ENOSF1: variants seen among roughly 807,000 people sequenced by gnomAD.
ENOSF1 encodes the protein mitochondrial enolase superfamily member 1.
In ENOSF1, 73 loss-of-function variants were observed where a neutral mutation model predicts 68.2. The observed-to-expected ratio is 1.07, with a 90% CI of 0.89 to 1.30. The LOEUF (loss-of-function observed/expected upper bound fraction) is 1.30. Among genes scored for constraint, ENOSF1 ranks in the 50% most tolerant of loss-of-function variants. The pLI is 0.00. For synonymous variants in ENOSF1, 223 were observed against 210.4 expected (o/e 1.06, Z -0.52); for missense variants, 589 against 554.5 (o/e 1.06, Z -0.62).
Position 704,299 on chromosome 18 carries a change from T to G in ENOSF1, c.193+2171A>C, listed in dbSNP as rs1195879167. ...TAAAAACTAGCCGGGCGTGGTGGTG[T>G]GTGCCTGTAATCCCAGCTACTCGGG... On this transcript the variant is annotated intron_variant, in intron 2 of 15. Transcript: ENST00000647584. Among the ~76,000 whole-genome samples the G allele has an allele frequency of 2.6e-5, 4 of 151,756 alleles. No homozygotes were observed. In the East Asian group the frequency reaches 7.9e-4, roughly 30 times the overall value.
At chr18:667,038 TGGTGATGGTGATGGAGATGGA>T, downstream of ENOSF1, among the ~76,000 whole-genome samples, 1 of 22,170 alleles carries the variant, frequency 4.5e-5, no homozygotes. Context: ...GTGATGGAGA[TGGTGATGGTGATGGAGATGGA>T]GATGGTGATG....
At chr18:668,850 A>G (rs1257176883), downstream of ENOSF1, among the ~76,000 whole-genome samples, 1 of 152,048 alleles carries the variant, frequency 6.6e-6, no homozygotes, top group African/African-American at 2.4e-5. Flanking sequence ...AGAAGAGGAA[A>G]AAGACTTTGT....
rs147941447 is a variant in ENOSF1 at position 674,176 on chromosome 18, G to C, written c.*129C>G. On this transcript the variant is annotated 3_prime_UTR_variant, in exon 16 of 16. Transcript: ENST00000647584. The stretch of plus-strand genomic sequence containing the variant: ...TAATAATTACTTAGCTGATTCCTGA[G>C]GGTGGTATGACTTCTAGCTGAACTC... 1 of 650,774 alleles carries C rather than the reference G, an allele frequency of 1.5e-6. No individual in the cohort carries two copies. Among genetic ancestry groups the C allele is most frequent in the Non-Finnish European group, 2.7e-6 (1 of 369,174 alleles). The allele number at this position is 650,774 out of a possible 1,614,324, so 40.3% of individuals were successfully genotyped here. A position where few individuals can be genotyped will look rare whatever the true frequency, so the allele number is the denominator to read the frequency against.
rs1449009399 is a variant in ENOSF1, at chr18:670,991, A to T, written c.*3314T>A. ...GCTTTTAAATTTGATATGTGTAAGT[A>T]AGAAATGAACCAGCTTTTACTTTGA... On this transcript the variant is annotated 3_prime_UTR_variant, in exon 16 of 16. Coordinates refer to ENST00000647584, the MANE Select transcript of ENOSF1 (RefSeq NM_017512.7). The T allele has an allele frequency of 3.2e-6, 4 of 1,233,416 alleles. No individual in the cohort carries two copies. Among genetic ancestry groups the T allele is most frequent in the Non-Finnish European group, 4.5e-6 (4 of 898,168 alleles). The allele number at this position is 1,233,416 out of a possible 1,614,324, so 76.4% of individuals were successfully genotyped here.
chr18:689,625 CAG>C (rs750160877), intron 8 of ENOSF1, among the ~76,000 whole-genome samples: 1 of 152,236 alleles, frequency 6.6e-6, no homozygotes, highest in East Asian at 1.9e-4. Flanking sequence ...AAATTTCTCC[CAG>C]AGAGGCTGGA....
chr18:695,325 C>A (rs948157098), intron 3 of ENOSF1, among the ~76,000 whole-genome samples: 32 of 152,256 alleles, frequency 2.1e-4, no homozygotes, highest in African/African-American at 7.7e-4. Context: ...GTGATTATGT[C>A]ATTTTGTTTT....
rs539734786 is a variant in ENOSF1 at position 681,181 on chromosome 18, G to A, written c.876+2065C>T. On this transcript the variant is annotated intron_variant, in intron 11 of 15. Transcript: ENST00000647584. ...CTGGCCACTATGCCGTTCTTTCATC[G>A]GAGAAGCTGCGGTGGCTCACTCTGA... Among the ~76,000 whole-genome samples the A allele has an allele frequency of 7.2e-5, 11 of 152,232 alleles. 1 individual carries two copies. In the South Asian group the frequency reaches 8.3e-4, roughly 11 times the overall value.
Position 671,272 on chromosome 18 carries a change from A to AT in ENOSF1, c.*3032dup, listed in dbSNP as rs945280669. 13 of 809,512 alleles carry AT rather than the reference A, an allele frequency of 1.6e-5. No individual in the cohort carries two copies. The highest frequency in any genetic ancestry group is 1.5e-4 in the East Asian group (6 of 40,970). 50.1% of individuals were successfully genotyped at this position (809,512 alleles called of 1,614,324 possible). A position where few individuals can be genotyped will look rare whatever the true frequency, so the allele number is the denominator to read the frequency against. On this transcript the variant is annotated 3_prime_UTR_variant, in exon 16 of 16. Transcript: ENST00000647584. ...AAAAATGGAAAAGCTACACTAAATT[A>AT]TTTTTTTAAAAAAAGCCTTGCGGTG...
At chr18:693,574 G>A (rs1023020113) in intron 5 of ENOSF1, 1 of 985,376 alleles carries the variant, frequency 1.0e-6, no homozygotes, top group Non-Finnish European at 1.2e-6. Context: ...AGAGAAGTTA[G>A]GATGATCCTC....
chr18:684,766 T>C (rs2612090), intron 10 of ENOSF1, among the ~76,000 whole-genome samples: 98,327 of 151,918 alleles, frequency 0.65, 32,565 homozygotes, highest in African/African-American at 0.8. Flanking sequence ...CTGATCTTAT[T>C]GTGCTTGGAG....
intron 12 of ENOSF1, chr18:678,427 C>T (rs2075734361): frequency 6.0e-6 from 3 of 495,882 alleles, no homozygotes; most frequent in Non-Finnish European, 1.1e-5. Context: ...CTTGCAATAG[C>T]AACTTTAAAT....
chr18:677,870 G>T lies in ENOSF1; in HGVS notation c.921C>A (p.Cys307Ter). The part of the protein sequence containing the change: ...LGIGIATGEQ[C>*]HNRVIFKQLL... ...GTTGCTTAAATATCACTCTATTGTG[G>T]CACTGGAAATAGAATTGAAAATAAC... Residue 307 changes from cysteine (C) to a stop codon, truncating the protein, a stop_gained and splice_region_variant, in exon 13 of 16, where the codon TGC becomes TGA. Coordinates refer to ENST00000647584, the MANE Select transcript of ENOSF1 (RefSeq NM_017512.7). LOFTEE classifies it high-confidence loss of function. 6.2e-7 allele frequency: 1 copy of T among 1,611,864 alleles called. No individual in the cohort carries two copies.
chr18:695,311 A>C (rs531519978), intron 3 of ENOSF1, among the ~76,000 whole-genome samples: 2 of 152,236 alleles, frequency 1.3e-5, no homozygotes, highest in Non-Finnish European at 2.9e-5. Context: ...TCAATACTAC[A>C]TAAGTGATTA....
intron 14 of ENOSF1, among the ~76,000 whole-genome samples, chr18:675,805 C>A (rs2075445704): frequency 7.3e-6 from 1 of 137,670 alleles, no homozygotes; most frequent in Admixed American, 7.2e-5. Context: ...CAGCAGCTGC[C>A]AGGGGCTTGG....
At chr18:704,733 G>A (rs2078753325) in intron 2 of ENOSF1, among the ~76,000 whole-genome samples, 1 of 151,518 alleles carries the variant, frequency 6.6e-6, no homozygotes, top group East Asian at 2.0e-4. Context: ...AGCCTCCTGA[G>A]TAGCTGAGAT....
intron 2 of ENOSF1, among the ~76,000 whole-genome samples, chr18:703,227 TGGA>T (rs922314340): frequency 1.5e-4 from 23 of 151,736 alleles, no homozygotes; most frequent in African/African-American, 5.6e-4. Context: ...GGGCTGGGAA[TGGA>T]GGAGGAGAGG....
chr18:668,006 T>TTTTTTTTTTTTC (rs1309936516), downstream of ENOSF1, among the ~76,000 whole-genome samples: 1 of 148,388 alleles, frequency 6.7e-6, no homozygotes, highest in Non-Finnish European at 1.5e-5. Flanking sequence ...TTTTTTTTTT[T>TTTTTTTTTTTTC]TTTTTAATGC....
At position 670,593 on chromosome 18, in the gene ENOSF1, C is replaced by A; in HGVS notation, c.*3712G>T. 1 of 1,325,400 alleles carries A rather than the reference C, an allele frequency of 7.5e-7. No individual in the cohort carries two copies. The highest frequency in any genetic ancestry group is 2.3e-5 in the East Asian group (1 of 43,316). 82.1% of individuals were successfully genotyped at this position (1,325,400 alleles called of 1,614,324 possible). ...AGTGGCTCTCTCTCCTGGTCTCCACCATATGAGTTGGCTTCTGTTTCTCTC... is the reference window on the plus strand; with the variant it reads ...AGTGGCTCTCTCTCCTGGTCTCCACAATATGAGTTGGCTTCTGTTTCTCTC... On this transcript the variant is annotated 3_prime_UTR_variant, in exon 16 of 16. Coordinates refer to ENST00000647584, the MANE Select transcript of ENOSF1 (RefSeq NM_017512.7).
At chr18:664,436 C>G in the ENOSF1 span, among the ~76,000 whole-genome samples, 1 of 145,300 alleles carries the variant, frequency 6.9e-6, no homozygotes, top group South Asian at 2.3e-4. Flanking sequence ...ATGGGGTTTT[C>G]TAGATATACA....
Sources: allele counts gnomAD v4.1 joint callset (sites outside exome capture counted in the v4.1 genomes callset), GRCh38; gene constraint gnomAD v4.1.1; transcripts MANE v1.5; gene names NCBI Gene and HGNC (gene_info 2026-07-23, HGNC 2026-07-21).